Variants in CD33 observed in about 807,000 individuals in gnomAD.
CD33 encodes the protein CD33 molecule.
Under a neutral mutation model 31.4 loss-of-function variants are expected in CD33, and 25 were observed. The ratio of observed to expected loss-of-function variants is 0.80; its 90% CI spans 0.58 to 1.11. CD33 has a LOEUF of 1.11. CD33 is among the 50% of genes most tolerant of loss of function. The pLI, the probability that CD33 is intolerant of heterozygous loss-of-function variation, is 0.00. For missense variants in CD33, 407 were observed against 448.1 expected (o/e 0.91, Z 0.83); for synonymous variants, 176 against 180.6 (o/e 0.97, Z 0.20).
At chr19:51,213,744 T>G in the CD33 span, among the ~76,000 whole-genome samples, 2 of 151,628 alleles carry the variant, frequency 1.3e-5, no homozygotes, top group African/African-American at 4.9e-5. Context: ...CCATGTTGGC[T>G]AGGCTGATAT....
At chr19:51,218,344 C>G in the CD33 span, among the ~76,000 whole-genome samples, 1 of 152,158 alleles carries the variant, frequency 6.6e-6, no homozygotes, top group Non-Finnish European at 1.5e-5. Flanking sequence ...ACTGCCTATT[C>G]ATGTCTTTTG....
At chr19:51,224,300 A>G (rs778894430), upstream of CD33, among the ~76,000 whole-genome samples, 1 of 152,104 alleles carries the variant, frequency 6.6e-6, no homozygotes, top group Non-Finnish European at 1.5e-5. Flanking sequence ...TCCCTATCTT[A>G]GTGCACCTGA....
upstream of CD33, among the ~76,000 whole-genome samples, chr19:51,220,849 C>G (rs112332253): frequency 6.6e-6 from 1 of 152,010 alleles, no homozygotes; most frequent in Non-Finnish European, 1.5e-5. Flanking sequence ...TCATGTAACG[C>G]GTATTTATGG....
the CD33 span, among the ~76,000 whole-genome samples, chr19:51,212,471 A>T: frequency 6.6e-6 from 1 of 151,904 alleles, no homozygotes; most frequent in Admixed American, 6.6e-5. Flanking sequence ...TTGTGGGTGA[A>T]CCAAGGCCCC....
chr19:51,219,184 G>T, the CD33 span, among the ~76,000 whole-genome samples: 2 of 152,072 alleles, frequency 1.3e-5, no homozygotes, highest in Non-Finnish European at 2.9e-5. Flanking sequence ...CCATTCATCT[G>T]TGTCATCTAC....
In CD33 at chr19:51,239,753, G is replaced by T; in HGVS notation, c.*65G>T. On this transcript the variant is annotated 3_prime_UTR_variant, in exon 7 of 7. Transcript: ENST00000262262. The stretch of plus-strand genomic sequence containing the variant: ...ATCCTCTACAGGTCGGGGACCAAAG[G>T]CTGATTCTTGGAGATTTAACACCCC... The T allele has an allele frequency of 1.4e-6, 2 of 1,389,278 alleles. No individual in the cohort carries two copies. The highest frequency in any genetic ancestry group is 2.8e-5 in the South Asian group (2 of 71,140). 86.1% of individuals were successfully genotyped at this position (1,389,278 alleles called of 1,614,324 possible).
chr19:51,211,858 C>T, the CD33 span: 1 of 1,274,396 alleles, frequency 7.8e-7, no homozygotes, highest in African/African-American at 1.5e-5. Context: ...AGGAACCTGA[C>T]CTGCTCTGTG....
intron 4 of CD33, among the ~76,000 whole-genome samples, chr19:51,231,420 G>A (rs1261790508): frequency 6.6e-6 from 1 of 152,244 alleles, no homozygotes; most frequent in Non-Finnish European, 1.5e-5. Context: ...CCAACAAGCT[G>A]AGTCTAGATT....
intron 4 of CD33, among the ~76,000 whole-genome samples, chr19:51,228,515 T>C (rs1041328107): frequency 1.3e-5 from 2 of 152,246 alleles, no homozygotes; most frequent in African/African-American, 4.8e-5. Flanking sequence ...CATTCTCTTA[T>C]AGCTATTGTA....
chr19:51,233,708 T>C (rs1981583137), intron 4 of CD33, among the ~76,000 whole-genome samples: 1 of 152,222 alleles, frequency 6.6e-6, no homozygotes, highest in South Asian at 2.1e-4. Context: ...TAGTAAGGAA[T>C]GTAGGTATCT....
intron 4 of CD33, 120 bp downstream of exon 4, chr19:51,226,476 G>A (rs1981045742): frequency 3.7e-6 from 3 of 811,858 alleles, no homozygotes; most frequent in Admixed American, 1.9e-5. Flanking sequence ...GACACGGGTA[G>A]ACATCAGGCA....
At chr19:51,236,286 C>G (rs1475580747) in intron 6 of CD33, 6 of 191,786 alleles carry the variant, frequency 3.1e-5, no homozygotes, top group Non-Finnish European at 5.5e-5. Context: ...GGGACAAGAG[C>G]CTTCACTGTG....
intron 6 of CD33, chr19:51,236,991 G>C (rs140216938): frequency 6.6e-6 from 1 of 152,124 alleles, no homozygotes; most frequent in African/African-American, 2.4e-5. Flanking sequence ...CTGGCATTTG[G>C]AGCAGGAAAA....
chr19:51,239,977 T>C lies in CD33; in HGVS notation c.*289T>C, dbSNP rs1982062238. Reference sequence around the variant, plus strand: ...TATAAGAAGTCCTATCTCATAGGGATGCTGTGAGCATTAAATAAAGGTACA... The same window carrying C: ...TATAAGAAGTCCTATCTCATAGGGACGCTGTGAGCATTAAATAAAGGTACA... On this transcript the variant is annotated 3_prime_UTR_variant, in exon 7 of 7. Coordinates refer to ENST00000262262, the MANE Select transcript of CD33 (RefSeq NM_001772.4). The C allele has an allele frequency of 2.1e-5, 5 of 235,098 alleles. No homozygotes were observed. In the South Asian group the frequency reaches 7.1e-4, roughly 33 times the overall value. The allele number at this position is 235,098 out of a possible 1,614,324, so 14.6% of individuals were successfully genotyped here.
At chr19:51,222,111 C>T (rs1360348159), upstream of CD33, among the ~76,000 whole-genome samples, 3 of 152,160 alleles carry the variant, frequency 2.0e-5, no homozygotes, top group African/African-American at 7.2e-5. Context: ...ATACAACTCT[C>T]AAACCATATC....
Position 51,239,378 on chromosome 19 carries a change from A to C in CD33, c.925-140A>C, listed in dbSNP as rs139745921. Reference sequence around the variant, plus strand: ...TAGATAATGAATAAGTAGAGCCTTAATTAATTAACATTTGATGAAAGAATG... The same window carrying C: ...TAGATAATGAATAAGTAGAGCCTTACTTAATTAACATTTGATGAAAGAATG... On this transcript the variant is annotated intron_variant, in intron 6 of 6. Coordinates refer to ENST00000262262, the MANE Select transcript of CD33 (RefSeq NM_001772.4). The C allele has an allele frequency of 9.0e-4, 532 of 591,612 alleles. 3 individuals carry two copies. In the African/African-American group the frequency reaches 9.0e-3, roughly 10 times the overall value. 36.6% of individuals were successfully genotyped at this position (591,612 alleles called of 1,614,324 possible).
intron 4 of CD33, among the ~76,000 whole-genome samples, chr19:51,226,987 T>C (rs1263748406): frequency 6.6e-6 from 1 of 152,034 alleles, no homozygotes; most frequent in Non-Finnish European, 1.5e-5. Flanking sequence ...TTTCTGTTCC[T>C]AGCTTATTTC....
intron 4 of CD33, among the ~76,000 whole-genome samples, chr19:51,233,849 G>T (rs554547986): frequency 3.1e-4 from 47 of 152,162 alleles, no homozygotes; most frequent in Non-Finnish European, 8.8e-5. Context: ...CCTCCATGCT[G>T]CCCTCCTGGG....
chr19:51,215,134 C>T, the CD33 span, among the ~76,000 whole-genome samples: 1 of 152,072 alleles, frequency 6.6e-6, no homozygotes, highest in East Asian at 1.9e-4. Flanking sequence ...GTGAGCACTG[C>T]CCCAGGGGAA....
Sources: gnomAD v4.1 joint callset for allele counts (sites outside exome capture counted in the v4.1 genomes callset) on GRCh38, gnomAD v4.1.1 for gene constraint, MANE v1.5 for transcripts, NCBI Gene and HGNC (gene_info 2026-07-23, HGNC 2026-07-21) for gene names.